Variants in TTC33 observed in about 807,000 individuals in gnomAD.
TTC33 encodes the protein tetratricopeptide repeat protein 33.
In TTC33, 24 loss-of-function variants were observed where a neutral mutation model predicts 29.4. The ratio of observed to expected loss-of-function variants is 0.82; its 90% CI spans 0.59 to 1.15. TTC33 has a LOEUF of 1.15. Ranked by LOEUF, TTC33 falls within the 50% of genes most tolerant of loss-of-function variation. TTC33 has a pLI of 0.00. For synonymous variants in TTC33, 107 were observed against 100.3 expected, an observed-to-expected ratio of 1.07 and a Z score of -0.40; for missense variants, 286 against 310.4, an observed-to-expected ratio of 0.92 and a Z score of 0.59.
chr5:40,728,531 T>C (rs1742350768), intron 3 of TTC33, 55 bp from the exon 4 acceptor site: 1 of 1,490,434 alleles, frequency 6.7e-7, no homozygotes, highest in Non-Finnish European at 9.0e-7. Context: ...AACTAGCAAC[T>C]ACATAAAAAA....
chr5:40,753,372 A>AAAAGAAAGAAAGAAAG (rs200588087), intron 1 of TTC33, among the ~76,000 whole-genome samples: 2 of 151,212 alleles, frequency 1.3e-5, no homozygotes, highest in Admixed American at 1.3e-4. Context: ...CTCAAAAAAA[A>AAAAGAAAGAAAGAAAG]AAAGAAAGAA....
chr5:40,720,654 C>T (rs1456714262), intron 4 of TTC33, among the ~76,000 whole-genome samples: 2 of 152,142 alleles, frequency 1.3e-5, no homozygotes, highest in East Asian at 3.9e-4. Flanking sequence ...AACAAATACA[C>T]CAATTCAGCA....
intron 2 of TTC33, among the ~76,000 whole-genome samples, chr5:40,745,044 C>A (rs1004219372): frequency 6.6e-6 from 1 of 152,134 alleles, no homozygotes; most frequent in Non-Finnish European, 1.5e-5. Flanking sequence ...TTAAATGATA[C>A]ACACAAGGAA....
chr5:40,746,838 G>A lies in TTC33; in HGVS notation c.181C>T (p.Gln61Ter). 1.2e-6 allele frequency: 2 copies of A among 1,613,776 alleles called. No homozygotes were observed. Among genetic ancestry groups the A allele is most frequent in the Non-Finnish European group, 8.5e-7 (1 of 1,179,936 alleles). ...AAACTGGCTCCTTCATCCTTCAGCT[G>A]TTTACTTTTCTCAGCACAGCCTTCA... is the stretch of plus-strand genomic sequence containing the variant. ...LLEGCAEKSK[Q>*]LKDEGASLAE... is the part of the protein sequence containing the mutation. Residue 61 changes from glutamine to a stop codon, truncating the protein, a stop_gained, in exon 2 of 5, where the codon CAG (glutamine) becomes TAG (stop). Transcript: ENST00000337702. LOFTEE classifies it high-confidence loss of function.
In TTC33 at chr5:40,716,474, G is replaced by T; in HGVS notation, c.460C>A (p.Leu154Ile). 6.3e-7 allele frequency: 1 copy of T among 1,593,064 alleles called. No homozygotes were observed. The highest frequency in any genetic ancestry group is 8.5e-7 in the Non-Finnish European group (1 of 1,171,870). The part of the protein sequence containing the change: ...ILAIRSFQVA[L>I]HIYPMNPEIW... Reference sequence around the variant, plus strand: ...TCAGGGTTCATTGGATAGATGTGAAGGGCTACTTGAAAACTTCGAATTGCC... The same window carrying T: ...TCAGGGTTCATTGGATAGATGTGAATGGCTACTTGAAAACTTCGAATTGCC... Residue 154 changes from leucine to isoleucine, a missense_variant, in exon 5 of 5, where the codon CTT becomes ATT. By Grantham distance (5) the Leu-to-Ile change is conservative. Transcript: ENST00000337702.
chr5:40,732,728 C>A (rs1742459531), intron 2 of TTC33, among the ~76,000 whole-genome samples: 1 of 152,002 alleles, frequency 6.6e-6, no homozygotes, highest in South Asian at 2.1e-4. Context: ...CCTGCCTCAG[C>A]CCCCCGAGTG....
chr5:40,738,283 G>A (rs575258858), intron 2 of TTC33, among the ~76,000 whole-genome samples: 36 of 151,778 alleles, frequency 2.4e-4, no homozygotes, highest in Admixed American at 2.2e-3. Flanking sequence ...ATAGAGTGGT[G>A]CGCGCCTGTA....
At chr5:40,735,937 T>C (rs1327751782) in intron 2 of TTC33, among the ~76,000 whole-genome samples, 2 of 152,212 alleles carry the variant, frequency 1.3e-5, no homozygotes, top group Admixed American at 1.3e-4. Flanking sequence ...ATGGAGTTTG[T>C]AGTGCAGTGG....
At chr5:40,751,793 C>A (rs1457052139) in intron 1 of TTC33, among the ~76,000 whole-genome samples, 1 of 152,004 alleles carries the variant, frequency 6.6e-6, no homozygotes, top group African/African-American at 2.4e-5. Flanking sequence ...CCTGTCTCTA[C>A]TAAAAATACA....
At chr5:40,736,307 T>C (rs1742550289) in intron 2 of TTC33, among the ~76,000 whole-genome samples, 1 of 152,228 alleles carries the variant, frequency 6.6e-6, no homozygotes, top group African/African-American at 2.4e-5. Context: ...GTGAGTAATC[T>C]GCAGAATGTG....
In TTC33 at chr5:40,722,675, G is replaced by A. The variant is rs569688703; in HGVS notation, c.435+5670C>T. Among the ~76,000 whole-genome samples the A allele has an allele frequency of 7.9e-5, 12 of 151,298 alleles. No individual in the cohort carries two copies. The South Asian group carries it at 1.9e-3, about 24-fold the overall frequency. On this transcript the variant is annotated intron_variant, in intron 4 of 4. Coordinates refer to ENST00000337702, the MANE Select transcript of TTC33 (RefSeq NM_012382.3). Reference sequence around the variant, plus strand: ...TGAGGCGTGTCTCCGCCCCACAGCCGCCCAGTCTGGGAAGTGAGGAGCGTC... The same window carrying A: ...TGAGGCGTGTCTCCGCCCCACAGCCACCCAGTCTGGGAAGTGAGGAGCGTC...
At chr5:40,735,895 G>A (rs925420656) in intron 2 of TTC33, among the ~76,000 whole-genome samples, 2 of 152,218 alleles carry the variant, frequency 1.3e-5, no homozygotes, top group African/African-American at 4.8e-5. Flanking sequence ...GATTCATGGG[G>A]ACAGAAATAT....
rs565614622 is a variant in TTC33, at chr5:40,739,936, C to CTT, written c.221+6860_221+6861dup. Among the ~76,000 whole-genome samples, 23 of 151,890 alleles carry CTT rather than the reference C, an allele frequency of 1.5e-4. No individual in the cohort carries two copies. In the East Asian group the frequency reaches 4.3e-3, roughly 28 times the overall value. ...TTTGGGAATAATACTACAAATGGTG[C>CTT]TTTTTTTTAAAAATAAAGTATTCAG... is the stretch of plus-strand genomic sequence containing the variant. On this transcript the variant is annotated intron_variant, in intron 2 of 4. Coordinates refer to ENST00000337702, the MANE Select transcript of TTC33 (RefSeq NM_012382.3).
chr5:40,738,560 A>AAT (rs1379717589), intron 2 of TTC33, among the ~76,000 whole-genome samples: 40 of 137,564 alleles, frequency 2.9e-4, no homozygotes, highest in Non-Finnish European at 4.4e-4. Context: ...AATAAAATAA[A>AAT]ATAAAATATA....
At chr5:40,720,202 T>C (rs1174769483) in intron 4 of TTC33, among the ~76,000 whole-genome samples, 1 of 152,176 alleles carries the variant, frequency 6.6e-6, no homozygotes, top group Non-Finnish European at 1.5e-5. Flanking sequence ...TAGGTCTTTG[T>C]TTGTTTTTGA....
At position 40,716,234 on chromosome 5, in the gene TTC33, C is replaced by T; in HGVS notation, c.700G>A (p.Val234Met). 1 of 1,614,200 alleles carries T rather than the reference C, an allele frequency of 6.2e-7. No individual in the cohort carries two copies. The highest frequency in any genetic ancestry group is 1.1e-5 in the South Asian group (1 of 91,082). The change falls in exon 5 of 5, where the codon GTG becomes ATG. Residue 234 changes from valine to methionine, a missense_variant. Val to Met is a conservative substitution (Grantham distance 21). Transcript: ENST00000337702. ...TVSANKTMVI[V>M]SASGAIETVT... ...GTCTCTATGGCCCCAGAAGCAGACACAATAACCATTGTTTTATTTGCTGAA... is the reference window on the plus strand; with the variant it reads ...GTCTCTATGGCCCCAGAAGCAGACATAATAACCATTGTTTTATTTGCTGAA...
At chr5:40,749,716 T>G (rs1455824520) in intron 1 of TTC33, among the ~76,000 whole-genome samples, 1 of 152,234 alleles carries the variant, frequency 6.6e-6, no homozygotes, top group Non-Finnish European at 1.5e-5. Flanking sequence ...CACAAATGCT[T>G]TGGTCTCCCT....
At chr5:40,733,767 C>T (rs1438135938) in intron 2 of TTC33, among the ~76,000 whole-genome samples, 1 of 152,142 alleles carries the variant, frequency 6.6e-6, no homozygotes, top group East Asian at 1.9e-4. Context: ...GTCCCCAACC[C>T]CACAAAGCTG....
At chr5:40,728,020 G>A (rs1055312727) in intron 4 of TTC33, among the ~76,000 whole-genome samples, 5 of 151,910 alleles carry the variant, frequency 3.3e-5, no homozygotes, top group Admixed American at 3.3e-4. Context: ...GTTGGCTCAC[G>A]CCTGTAATCC....
Sources: gnomAD v4.1 joint callset for allele counts (sites outside exome capture counted in the v4.1 genomes callset) on GRCh38, gnomAD v4.1.1 for gene constraint, MANE v1.5 for transcripts, NCBI Gene and HGNC (gene_info 2026-07-23, HGNC 2026-07-21) for gene names.